LEMD1: variants seen among roughly 807,000 people sequenced by gnomAD.
LEMD1 encodes the protein LEM domain-containing protein 1.
Under a neutral mutation model 17.4 loss-of-function variants are expected in LEMD1, and 18 were observed. That is an observed-to-expected ratio of 1.04 (90% CI 0.72 to 1.54). The LOEUF (loss-of-function observed/expected upper bound fraction) is 1.54. Among genes scored for constraint, LEMD1 ranks in the 40% most tolerant of loss-of-function variants. The pLI, the probability that LEMD1 is intolerant of heterozygous loss-of-function variation, is 0.00. For synonymous variants in LEMD1, 88 were observed against 77.8 expected (o/e 1.13, Z -0.69); for missense variants, 195 against 210.4 (o/e 0.93, Z 0.45).
At chr1:205,426,285 C>T (rs370156543), upstream of LEMD1, among the ~76,000 whole-genome samples, 1 of 152,188 alleles carries the variant, frequency 6.6e-6, no homozygotes, top group Non-Finnish European at 1.5e-5. Context: ...ACAAAAACCG[C>T]ATGCAATAAA....
At chr1:205,444,804 A>C (rs759943842) in intron 1 of LEMD1, among the ~76,000 whole-genome samples, 2 of 151,988 alleles carry the variant, frequency 1.3e-5, no homozygotes, top group Admixed American at 6.6e-5. Context: ...GAAGAGGGAT[A>C]TTGCGCCCCC....
At chr1:205,391,240 C>A (rs945037115) in intron 4 of LEMD1, among the ~76,000 whole-genome samples, 4 of 152,072 alleles carry the variant, frequency 2.6e-5, no homozygotes, top group Non-Finnish European at 2.9e-5. Flanking sequence ...CTAAGTACAG[C>A]CAATCCCCCT....
Position 205,381,628 on chromosome 1 carries a change from G to T in LEMD1, c.*30C>A, listed in dbSNP as rs544507896. 1.5e-3 allele frequency: 2,477 copies of T among 1,606,386 alleles called. 4 individuals carry two copies. Among genetic ancestry groups the T allele is most frequent in the Non-Finnish European group, 2.0e-3 (2,333 of 1,172,918 alleles). ...GTTCTTTCCTGAAGCAGGAGGCCTC[G>T]CTTGGAGCATTGCTTTGCTCCTAAA... On this transcript the variant is annotated 3_prime_UTR_variant, in exon 6 of 6. Transcript: ENST00000367153.
At chr1:205,390,152 C>T (rs1664262575) in intron 4 of LEMD1, among the ~76,000 whole-genome samples, 1 of 151,986 alleles carries the variant, frequency 6.6e-6, no homozygotes, top group Non-Finnish European at 1.5e-5. Flanking sequence ...GCCAGGAGTT[C>T]GAGACCAGCC....
At chr1:205,449,268 G>A (rs1345061168) in intron 1 of LEMD1, among the ~76,000 whole-genome samples, 5 of 152,176 alleles carry the variant, frequency 3.3e-5, no homozygotes, top group Non-Finnish European at 7.4e-5. Flanking sequence ...AATCACAAGT[G>A]CTATTTCCCC....
chr1:205,434,475 G>A (rs141286588), intron 1 of LEMD1, among the ~76,000 whole-genome samples: 9 of 151,934 alleles, frequency 5.9e-5, no homozygotes, highest in East Asian at 1.9e-4. Context: ...GAACCACTGC[G>A]CCTGGCTCTT....
intron 4 of LEMD1, among the ~76,000 whole-genome samples, chr1:205,400,846 C>A (rs1374572557): frequency 2.0e-5 from 2 of 100,764 alleles, no homozygotes; most frequent in African/African-American, 7.7e-5. Flanking sequence ...CTATCCCTCC[C>A]CCCCCCCACC....
At chr1:205,447,372 GCT>G in intron 1 of LEMD1, among the ~76,000 whole-genome samples, 1 of 152,274 alleles carries the variant, frequency 6.6e-6, no homozygotes, top group Non-Finnish European at 1.5e-5. Flanking sequence ...GAAATTAAGG[GCT>G]CTGAGATATT....
chr1:205,431,350 C>T (rs1328847305), intron 1 of LEMD1, among the ~76,000 whole-genome samples: 6 of 152,234 alleles, frequency 3.9e-5, no homozygotes, highest in Non-Finnish European at 8.8e-5. Context: ...TTTCAACGAA[C>T]CTTCCAGTTA....
intron 4 of LEMD1, among the ~76,000 whole-genome samples, chr1:205,410,737 G>A (rs995351247): frequency 1.3e-5 from 2 of 152,028 alleles, no homozygotes; most frequent in Non-Finnish European, 2.9e-5. Context: ...ATGGTGCCCC[G>A]TGCCTGTAGT....
At chr1:205,433,073 C>G (rs1395211042) in intron 1 of LEMD1, among the ~76,000 whole-genome samples, 1 of 152,178 alleles carries the variant, frequency 6.6e-6, no homozygotes, top group Non-Finnish European at 1.5e-5. Flanking sequence ...CTTCCCTACT[C>G]TACAGTTGTG....
Position 205,383,096 on chromosome 1 carries a change from C to T in LEMD1, c.347+1192G>A, listed in dbSNP as rs564304558. Among the ~76,000 whole-genome samples, 5 of 152,110 alleles carry T rather than the reference C, an allele frequency of 3.3e-5. No homozygotes were observed. In the East Asian group the frequency reaches 7.7e-4, roughly 24 times the overall value. On this transcript the variant is annotated intron_variant, in intron 5 of 5. Transcript: ENST00000367153. ...GGTATATGTAATTTTATATTACATA[C>T]ATATTTTTTTGAGACAGGGTCTCAC...
At chr1:205,400,496 G>A (rs546046558) in intron 4 of LEMD1, among the ~76,000 whole-genome samples, 20 of 152,294 alleles carry the variant, frequency 1.3e-4, no homozygotes, top group African/African-American at 3.1e-4. Context: ...TGCCGAGAAC[G>A]CATGGCCTCT....
chr1:205,403,914 T>C (rs1250280718), intron 4 of LEMD1, among the ~76,000 whole-genome samples: 1 of 152,158 alleles, frequency 6.6e-6, no homozygotes, highest in African/African-American at 2.4e-5. Flanking sequence ...TTTGTTCTCG[T>C]TGGTTTCAAA....
intron 1 of LEMD1, among the ~76,000 whole-genome samples, chr1:205,440,105 CA>C (rs1377329710): frequency 2.0e-5 from 3 of 152,050 alleles, no homozygotes; most frequent in Non-Finnish European, 4.4e-5. Context: ...ACAGGAGAAT[CA>C]AGGGAGGGCA....
intron 4 of LEMD1, among the ~76,000 whole-genome samples, chr1:205,384,578 G>A (rs918015345): frequency 2.6e-5 from 4 of 152,078 alleles, no homozygotes; most frequent in Non-Finnish European, 4.4e-5. Flanking sequence ...TCAGTGACTC[G>A]CATGAGAACA....
chr1:205,393,219 A>C (rs1162059470), intron 4 of LEMD1, among the ~76,000 whole-genome samples: 1 of 152,198 alleles, frequency 6.6e-6, no homozygotes, highest in African/African-American at 2.4e-5. Flanking sequence ...TCTTCAAAGA[A>C]GATATAGAAG....
intron 1 of LEMD1, 75 bp from the exon 2 acceptor site, chr1:205,420,649 G>T: frequency 1.2e-6 from 1 of 814,466 alleles, no homozygotes; most frequent in Non-Finnish European, 2.1e-6. Context: ...ATCCACATAA[G>T]TGTTTATAAT....
intron 1 of LEMD1, among the ~76,000 whole-genome samples, chr1:205,432,851 A>C (rs1666146951): frequency 1.3e-5 from 2 of 152,164 alleles, no homozygotes; most frequent in Admixed American, 1.3e-4. Flanking sequence ...TCTACAAAAA[A>C]CTACAAATAA....
Sources: gnomAD v4.1 joint callset for allele counts (sites outside exome capture counted in the v4.1 genomes callset) on GRCh38, gnomAD v4.1.1 for gene constraint, MANE v1.5 for transcripts, NCBI Gene and HGNC (gene_info 2026-07-23, HGNC 2026-07-21) for gene names.